Variants in TMPRSS11E observed in about 807,000 individuals in gnomAD.
TMPRSS11E encodes the protein transmembrane protease serine 11E.
Under a neutral mutation model 48.1 loss-of-function variants are expected in TMPRSS11E, and 38 were observed. That is an observed-to-expected ratio of 0.79 (90% confidence interval 0.61 to 1.04). The LOEUF (loss-of-function observed/expected upper bound fraction) is 1.04. Among genes scored for constraint, TMPRSS11E ranks in the 50% least tolerant of loss-of-function variants. TMPRSS11E has a pLI of 0.00. For missense variants in TMPRSS11E, 530 were observed against 510.8 expected, an observed-to-expected ratio of 1.04 and a Z score of -0.36; for synonymous variants, 158 against 171.9, an observed-to-expected ratio of 0.92 and a Z score of 0.63.
chr4:68,463,010 A>G (rs1454930851), intron 2 of TMPRSS11E, among the ~76,000 whole-genome samples: 1 of 152,146 alleles, frequency 6.6e-6, no homozygotes, highest in Non-Finnish European at 1.5e-5. Context: ...CTCTGTTACT[A>G]GATTATACTT....
At chr4:68,448,852 A>G (rs1434184002) in intron 1 of TMPRSS11E, among the ~76,000 whole-genome samples, 2 of 151,864 alleles carry the variant, frequency 1.3e-5, no homozygotes, top group Non-Finnish European at 2.9e-5. Flanking sequence ...TCTAGATGAG[A>G]TAAAATGTTA....
intron 9 of TMPRSS11E, among the ~76,000 whole-genome samples, chr4:68,484,743 T>C (rs1729503894): frequency 6.6e-6 from 1 of 152,238 alleles, no homozygotes; most frequent in South Asian, 2.1e-4. Flanking sequence ...GATTTGGCTC[T>C]CGGCTAAGAT....
intron 8 of TMPRSS11E, among the ~76,000 whole-genome samples, chr4:68,478,602 ATGC>A: frequency 6.6e-6 from 1 of 150,428 alleles, no homozygotes; most frequent in East Asian, 2.0e-4. Context: ...TTACAGGTGC[ATGC>A]CACCACCCCC....
At chr4:68,450,307 T>G (rs1728459991) in intron 1 of TMPRSS11E, among the ~76,000 whole-genome samples, 1 of 151,930 alleles carries the variant, frequency 6.6e-6, no homozygotes, top group South Asian at 2.1e-4. Context: ...AAAATGCAAT[T>G]TCATTAAATT....
intron 3 of TMPRSS11E, 59 bp downstream of exon 3, chr4:68,466,811 G>A (rs1023249269): frequency 2.5e-6 from 4 of 1,604,204 alleles, no homozygotes; most frequent in African/African-American, 1.3e-5. Flanking sequence ...CATATTTTTA[G>A]CATCCTAGCT....
At position 68,482,590 on chromosome 4, in the gene TMPRSS11E, CAAAAAAAAAAAAAAAAAAAAAA is replaced by C. The variant is rs371144994; in HGVS notation, c.1110+3610_1110+3631del. 5.0e-4 allele frequency among the ~76,000 whole-genome samples: 53 copies of C among 106,088 alleles called. 1 individual carries two copies. Among genetic ancestry groups the C allele is most frequent in the African/African-American group, 1.8e-3 (45 of 25,640 alleles). The allele number at this position is 106,088 out of a possible 152,430, so 69.6% of individuals were successfully genotyped here. A position where few individuals can be genotyped will look rare whatever the true frequency, so the allele number is the denominator to read the frequency against. On this transcript the variant is annotated intron_variant, in intron 9 of 9. Transcript: ENST00000305363. ...GTAATGTGGCAAAACTGCATCTCCA[CAAAAAAAAAAAAAAAAAAAAAA>C]AAAAAAAAAATTAGCTGGGCTTTGT...
chr4:68,485,115 G>A (rs1729515205), intron 9 of TMPRSS11E, among the ~76,000 whole-genome samples: 1 of 151,958 alleles, frequency 6.6e-6, no homozygotes, highest in Admixed American at 6.6e-5. Flanking sequence ...TTTGAAGTAT[G>A]TTCCTCTGAT....
Position 68,447,476 on chromosome 4 carries a change from C to T in TMPRSS11E, c.-37C>T. The T allele has an allele frequency of 1.2e-6, 2 of 1,605,382 alleles. No homozygotes were observed. Among genetic ancestry groups the T allele is most frequent in the Non-Finnish European group, 1.7e-6 (2 of 1,175,682 alleles). On this transcript the variant is annotated 5_prime_UTR_variant, in exon 1 of 10. Coordinates refer to ENST00000305363, the MANE Select transcript of TMPRSS11E (RefSeq NM_014058.4). Reference sequence around the variant, plus strand: ...CTGGATTCACACACTTGGATGTAGACCTCGACCTTCACAGGACTCTTCATT... The same window carrying T: ...CTGGATTCACACACTTGGATGTAGATCTCGACCTTCACAGGACTCTTCATT...
At chr4:68,481,592 T>C (rs1188476207) in intron 9 of TMPRSS11E, among the ~76,000 whole-genome samples, 2 of 152,166 alleles carry the variant, frequency 1.3e-5, no homozygotes, top group Admixed American at 6.5e-5. Context: ...TGTTGGCTGC[T>C]TGTGTGTCTT....
intron 1 of TMPRSS11E, among the ~76,000 whole-genome samples, chr4:68,455,053 T>C (rs1728592127): frequency 6.6e-6 from 1 of 151,964 alleles, no homozygotes; most frequent in East Asian, 1.9e-4. Flanking sequence ...TATACATTTG[T>C]ACCCCTTAAC....
intron 9 of TMPRSS11E, 60 bp from the exon 10 acceptor site, chr4:68,496,583 T>G (rs2278921): frequency 0.59 from 878,700 of 1,480,522 alleles, 274,874 homozygotes; most frequent in Non-Finnish European, 0.65. Context: ...GTTAGAAAAA[T>G]AGCCAATTCC....
chr4:68,484,882 TATC>T (rs1326995688), intron 9 of TMPRSS11E, among the ~76,000 whole-genome samples: 4 of 152,210 alleles, frequency 2.6e-5, no homozygotes, highest in African/African-American at 9.6e-5. Context: ...TGTAGAATCA[TATC>T]ATTTGTGAAG....
intron 1 of TMPRSS11E, 114 bp from the exon 2 acceptor site, chr4:68,461,707 C>T: frequency 8.6e-6 from 13 of 1,505,330 alleles, no homozygotes; most frequent in Non-Finnish European, 1.2e-5. Context: ...TAAACCCAGA[C>T]AGTACACGAC....
chr4:68,496,531 AC>A, intron 9 of TMPRSS11E, 111 bp from the exon 10 acceptor site: 1 of 1,095,130 alleles, frequency 9.1e-7, no homozygotes, highest in Non-Finnish European at 1.3e-6. Context: ...ATGCGAACAC[AC>A]GGAATACTTT....
At chr4:68,461,347 T>A (rs1323349628) in intron 1 of TMPRSS11E, among the ~76,000 whole-genome samples, 2 of 152,184 alleles carry the variant, frequency 1.3e-5, no homozygotes, top group Non-Finnish European at 2.9e-5. Flanking sequence ...CCTGGTATGC[T>A]TCAAGCTGTA....
rs764184276 is a variant in TMPRSS11E at position 68,476,421 on chromosome 4, T to C, written c.690T>C (p.Ala230=). Residue 230 remains alanine, a synonymous_variant, in exon 7 of 10, where the codon GCT becomes GCC. Coordinates refer to ENST00000305363, the MANE Select transcript of TMPRSS11E (RefSeq NM_014058.4). ...TLINATWLVS[A]AHCFTTYKNP... ...TTAATGCCACATGGCTTGTGAGTGC[T>C]GCTCACTGTTTTACAACGTAAGTCT... 1.2e-5 allele frequency: 19 copies of C among 1,611,694 alleles called. No individual in the cohort carries two copies. In the South Asian group the frequency reaches 2.0e-4, roughly 17 times the overall value.
At chr4:68,461,683 A>C in intron 1 of TMPRSS11E, 138 bp from the exon 2 acceptor site, 1 of 1,345,704 alleles carries the variant, frequency 7.4e-7, no homozygotes, top group Non-Finnish European at 1.0e-6. Flanking sequence ...GCAGCCTGGA[A>C]CCAGGGTGTG....
At chr4:68,455,078 A>C (rs1037144578) in intron 1 of TMPRSS11E, among the ~76,000 whole-genome samples, 1 of 151,902 alleles carries the variant, frequency 6.6e-6, no homozygotes, top group South Asian at 2.1e-4. Flanking sequence ...TTCTCAATAC[A>C]AGTAGTAAAG....
At chr4:68,482,167 T>TAGCGTGGTAGG (rs1560557384) in intron 9 of TMPRSS11E, among the ~76,000 whole-genome samples, 1 of 151,316 alleles carries the variant, frequency 6.6e-6, no homozygotes, top group Non-Finnish European at 1.5e-5. Flanking sequence ...GCAAGAGGGA[T>TAGCGTGGTAGG]AGAGGTGCCA....
Sources: gnomAD v4.1 joint callset for allele counts (sites outside exome capture counted in the v4.1 genomes callset) on GRCh38, gnomAD v4.1.1 for gene constraint, MANE v1.5 for transcripts, NCBI Gene and HGNC (gene_info 2026-07-23, HGNC 2026-07-21) for gene names.